The following MZT2B variants were observed in gnomAD, a reference collection of about 807,000 sequenced individuals.
MZT2B encodes mitotic spindle organizing protein 2B.
In MZT2B, 11 loss-of-function variants were observed where a neutral mutation model predicts 12.1. That is an observed-to-expected ratio of 0.91 (90% CI 0.57 to 1.50). The LOEUF is 1.50. Among genes scored for constraint, MZT2B ranks in the 40% most tolerant of loss-of-function variants. MZT2B has a pLI of 0.00. For synonymous variants in MZT2B, 85 were observed against 109.5 expected (o/e 0.78, Z 1.40); for missense variants, 209 against 227.7 (o/e 0.92, Z 0.53).
chr2:130,184,168 C>T (rs570666195), intron 2 of MZT2B: 15 of 1,454,662 alleles, frequency 1.0e-5, no homozygotes, highest in African/African-American at 7.1e-5. Flanking sequence ...ACCCCACAGT[C>T]GGGCTGGCAT....
intron 2 of MZT2B, among the ~76,000 whole-genome samples, chr2:130,187,542 A>C (rs2104733566): frequency 6.6e-6 from 1 of 152,248 alleles, no homozygotes; most frequent in Non-Finnish European, 1.5e-5. Flanking sequence ...GGCGTTTAGG[A>C]GGGCCCTCCA....
the MZT2B span, among the ~76,000 whole-genome samples, chr2:130,203,201 T>TG: frequency 6.6e-6 from 1 of 152,144 alleles, no homozygotes. Flanking sequence ...TCCTCTAAAA[T>TG]GGGGCAGATT....
chr2:130,194,998 G>A (rs1273221225), downstream of MZT2B: 2 of 1,582,008 alleles, frequency 1.3e-6, no homozygotes, highest in African/African-American at 2.7e-5. Flanking sequence ...TCTAAGTGTT[G>A]ATAAAATGAC....
At chr2:130,196,530 G>A in the MZT2B span, among the ~76,000 whole-genome samples, 1 of 152,074 alleles carries the variant, frequency 6.6e-6, no homozygotes. Flanking sequence ...TCCCTTTATC[G>A]CTGTGAAAAC....
At position 130,182,791 on chromosome 2, in the gene MZT2B, G is replaced by A. The variant is rs1028566992; in HGVS notation, c.319+16G>A. 4 of 1,449,828 alleles carry A rather than the reference G, an allele frequency of 2.8e-6. No homozygotes were observed. Among genetic ancestry groups the A allele is most frequent in the Non-Finnish European group, 3.7e-6 (4 of 1,092,000 alleles). 89.8% of individuals were successfully genotyped at this position (1,449,828 alleles called of 1,614,324 possible). A position where few individuals can be genotyped will look rare whatever the true frequency, so the allele number is the denominator to read the frequency against. On this transcript the variant is annotated intron_variant, in intron 2 of 2. Coordinates refer to ENST00000281871, the MANE Select transcript of MZT2B (RefSeq NM_025029.5). ...GAGACCCGAGGTCAGAGCTGGGCCC[G>A]CTGTCCCTGCCCCAGTGGCGGGGGT...
upstream of MZT2B, chr2:130,181,699 C>A: frequency 6.5e-7 from 1 of 1,548,488 alleles, no homozygotes; most frequent in Non-Finnish European, 8.7e-7. Flanking sequence ...AAGCGAAGGC[C>A]GGCCGGGCGG....
chr2:130,181,970 G>A, upstream of MZT2B: 1 of 1,401,494 alleles, frequency 7.1e-7, no homozygotes, highest in Non-Finnish European at 9.4e-7. Flanking sequence ...TGTATGCCTG[G>A]CACTGGGCTG....
chr2:130,181,861 C>G, upstream of MZT2B: 2 of 1,531,720 alleles, frequency 1.3e-6, no homozygotes, highest in Non-Finnish European at 1.8e-6. Context: ...GTGCCCCCCC[C>G]TTCCCCCCGC....
At chr2:130,194,264 G>A (rs775369931), downstream of MZT2B, 51 of 1,551,466 alleles carry the variant, frequency 3.3e-5, no homozygotes, top group African/African-American at 3.6e-4. Flanking sequence ...TTCCAGGGTC[G>A]TGTGGGTGGT....
the MZT2B span, among the ~76,000 whole-genome samples, chr2:130,197,274 G>C: frequency 6.6e-6 from 1 of 151,652 alleles, no homozygotes; most frequent in Non-Finnish European, 1.5e-5. Context: ...AGGATCACTT[G>C]GGACCAGTTT....
At chr2:130,189,419 A>T (rs564118323) in intron 2 of MZT2B, among the ~76,000 whole-genome samples, 3 of 152,336 alleles carry the variant, frequency 2.0e-5, no homozygotes, top group African/African-American at 7.2e-5. Flanking sequence ...GTAGCTGATT[A>T]GGTCAGAGTA....
At chr2:130,193,437 C>T (rs1389225709), downstream of MZT2B, among the ~76,000 whole-genome samples, 8 of 150,416 alleles carry the variant, frequency 5.3e-5, no homozygotes, top group African/African-American at 9.8e-5. Flanking sequence ...GGCGAAACCC[C>T]GTCTCTACTA....
At chr2:130,192,616 T>C (rs2104747383), downstream of MZT2B, among the ~76,000 whole-genome samples, 1 of 152,340 alleles carries the variant, frequency 6.6e-6, no homozygotes, top group Admixed American at 6.5e-5. Flanking sequence ...ATATGAATGC[T>C]GCTACCACAG....
At chr2:130,193,304 A>G (rs1333771034), downstream of MZT2B, among the ~76,000 whole-genome samples, 2 of 151,968 alleles carry the variant, frequency 1.3e-5, no homozygotes, top group African/African-American at 4.8e-5. Flanking sequence ...GATGACTCAG[A>G]AAGAGTTCAA....
chr2:130,194,989 C>T (rs1690368803), downstream of MZT2B: 20 of 1,575,330 alleles, frequency 1.3e-5, no homozygotes, highest in South Asian at 1.4e-4. Context: ...AGATGCTGGT[C>T]TAAGTGTTGA....
chr2:130,194,943 G>A (rs1486021215), downstream of MZT2B: 9 of 1,491,896 alleles, frequency 6.0e-6, no homozygotes, highest in Non-Finnish European at 8.2e-6. Context: ...CTCTCAAAGT[G>A]CTGGGATTAC....
Position 130,184,022 on chromosome 2 carries a change from ACTGC to A in MZT2B, c.319+1251_319+1254del, listed in dbSNP as rs1336557094. 4.5e-6 allele frequency: 7 copies of A among 1,550,068 alleles called. No homozygotes were observed. In the Admixed American group the frequency reaches 7.8e-5, roughly 17 times the overall value. On this transcript the variant is annotated intron_variant, in intron 2 of 2. Coordinates refer to ENST00000281871, the MANE Select transcript of MZT2B (RefSeq NM_025029.5). ...GGTGCTCTCCCTTGTTTCCATGGAA[ACTGC>A]CTGGCCCCAGGAGGCCCAAGCAGCT...
chr2:130,181,853 G>GC (rs375200672), upstream of MZT2B: 21,873 of 1,523,848 alleles, frequency 0.014, 1,622 homozygotes, highest in African/African-American at 0.22. Flanking sequence ...GTTGATTAGT[G>GC]CCCCCCCCTT....
chr2:130,197,709 T>G, the MZT2B span, among the ~76,000 whole-genome samples: 2 of 123,762 alleles, frequency 1.6e-5, 1 homozygote, highest in Non-Finnish European at 3.6e-5. Flanking sequence ...CAGGCTCGGC[T>G]GATCCTCCCA....
Sources: allele counts gnomAD v4.1 joint callset (sites outside exome capture counted in the v4.1 genomes callset), GRCh38; gene constraint gnomAD v4.1.1; transcripts MANE v1.5; gene names NCBI Gene and HGNC (gene_info 2026-07-23, HGNC 2026-07-21).